The following SEC24C variants were observed in gnomAD, a reference collection of about 807,000 sequenced individuals.
The protein encoded by SEC24C is protein transport protein Sec24C.
SEC24C carries 22 observed loss-of-function variants against 117.0 expected under a neutral mutation model. That is an observed-to-expected ratio of 0.19 (90% confidence interval 0.13 to 0.27). SEC24C has a LOEUF of 0.27. Among genes scored for constraint, SEC24C ranks in the 10% least tolerant of loss-of-function variants. The probability of loss-of-function intolerance (pLI) is 1.00; values close to 1 mark genes in which losing one functional copy is unlikely to be tolerated. For synonymous variants in SEC24C, 506 were observed against 529.4 expected, an observed-to-expected ratio of 0.96 and a Z score of 0.61; for missense variants, 1,155 against 1,375.1, an observed-to-expected ratio of 0.84 and a Z score of 2.53.
At chr10:73,765,098 G>T (rs561200575) in intron 8 of SEC24C, among the ~76,000 whole-genome samples, 29 of 152,138 alleles carry the variant, frequency 1.9e-4, no homozygotes, top group Non-Finnish European at 3.8e-4. Context: ...CAAGAGTGAA[G>T]GGCATTAGAG....
At chr10:73,759,995 T>G in intron 4 of SEC24C, 23 bp from the exon 5 acceptor site, 1 of 1,540,944 alleles carries the variant, frequency 6.5e-7, no homozygotes, top group Non-Finnish European at 8.8e-7. Context: ...GGCTTTTGAC[T>G]CTACCTTTAT....
At chr10:73,746,165 A>AC (rs1175695175) in intron 1 of SEC24C, among the ~76,000 whole-genome samples, 19 of 151,274 alleles carry the variant, frequency 1.3e-4, no homozygotes, top group Non-Finnish European at 2.8e-4. Context: ...TCTCAAAAAA[A>AC]AAAAAAAAAA....
At chr10:73,757,754 T>TA (rs1278329933) in intron 3 of SEC24C, among the ~76,000 whole-genome samples, 1 of 147,830 alleles carries the variant, frequency 6.8e-6, no homozygotes, top group Non-Finnish European at 1.5e-5. Context: ...CTACAAAAAA[T>TA]AAAAAAAATT....
chr10:73,766,029 A>G lies in SEC24C; in HGVS notation c.1483-57A>G, dbSNP rs937648272. ...GTCCCTTTTTGATGCTGACTTCTCT[A>G]TAGTCAACTGGCCTGCTTACCATTC... On this transcript the variant is annotated intron_variant, in intron 10 of 22. Coordinates refer to ENST00000345254, the MANE Select transcript of SEC24C (RefSeq NM_198597.3). 1.9e-5 allele frequency: 31 copies of G among 1,602,742 alleles called. No homozygotes were observed. The African/African-American group carries it at 2.3e-4, about 12-fold the overall frequency.
intron 1 of SEC24C, among the ~76,000 whole-genome samples, chr10:73,746,331 T>G (rs1221933253): frequency 6.6e-6 from 1 of 152,210 alleles, no homozygotes; most frequent in East Asian, 1.9e-4. Flanking sequence ...CAGATCTGTT[T>G]TAGATTTTTA....
At position 73,769,240 on chromosome 10, in the gene SEC24C, AAG is replaced by A; in HGVS notation, c.2424+92_2424+93del. On this transcript the variant is annotated intron_variant, in intron 17 of 22. Coordinates refer to ENST00000345254, the MANE Select transcript of SEC24C (RefSeq NM_198597.3). This position sits in a 1 kb window ranked among gnomAD's most constrained non-coding sequence, Gnocchi z 4.5. The stretch of plus-strand genomic sequence containing the variant: ...AGGAATGGGTAGAGAGCACTAAAAG[AAG>A]AGACAGGGCACGGGAGTGGCTCATT... 6.3e-7 allele frequency: 1 copy of A among 1,589,536 alleles called. No homozygotes were observed. Among genetic ancestry groups the A allele is most frequent in the Non-Finnish European group, 8.6e-7 (1 of 1,166,446 alleles).
At position 73,760,381 on chromosome 10, in the gene SEC24C, A is replaced by G; in HGVS notation, c.845A>G (p.Gln282Arg). Residue 282 changes from glutamine to arginine, a missense_variant, in exon 5 of 23, where the codon CAA becomes CGA. By Grantham distance (43) the Gln-to-Arg change is conservative. Transcript: ENST00000345254. The part of the protein sequence containing the change: ...SPQQPGYQPQ[Q>R]NGSFGPARGP... ...CAGCAGCCAGGCTATCAGCCCCAAC[A>G]AAATGGTGAGTCTTTCCCAAGGTCT... 3.1e-6 allele frequency: 5 copies of G among 1,587,852 alleles called. No individual in the cohort carries two copies. Among genetic ancestry groups the G allele is most frequent in the Non-Finnish European group, 4.3e-6 (5 of 1,168,298 alleles).
At chr10:73,767,722 A>G in intron 14 of SEC24C, 115 bp from the exon 15 acceptor site, 2 of 766,872 alleles carry the variant, frequency 2.6e-6, no homozygotes, top group Non-Finnish European at 3.9e-6. Context: ...AATCCTTGGA[A>G]GTAGATCTGA....
chr10:73,748,738 A>AT (rs1045456814), intron 2 of SEC24C, among the ~76,000 whole-genome samples: 20 of 137,654 alleles, frequency 1.5e-4, no homozygotes, highest in African/African-American at 4.7e-4. Context: ...ACCTGGCCTT[A>AT]TTTTTTTTCT....
rs772026589 is a variant in SEC24C at position 73,769,117 on chromosome 10, G to A, written c.2389G>A (p.Asp797Asn). The change falls in exon 17 of 23, where the codon GAT becomes AAT. Residue 797 changes from aspartate (D) to asparagine (N), a missense_variant. Asp to Asn is a conservative substitution (Grantham distance 23). This residue lies in a region of SEC24C where 759 missense variants were observed against 992.3 expected (regional missense o/e 0.76). Transcript: ENST00000345254. The surrounding 1 kb of genome is among the most constrained non-coding windows in gnomAD (Gnocchi z 4.5). ...KTVTVEFKHD[D>N]RLNEESGALL... ...AGTGACTGTGGAGTTCAAGCATGAC[G>A]ATCGGCTCAATGAAGAGAGCGGAGC... 1.8e-5 allele frequency: 29 copies of A among 1,614,098 alleles called. No individual in the cohort carries two copies. The highest frequency in any genetic ancestry group is 2.5e-5 in the Non-Finnish European group (29 of 1,180,044).
In SEC24C at chr10:73,770,867, G is replaced by A. The variant is rs905673169; in HGVS notation, c.3144+69G>A. 3.7e-6 allele frequency: 6 copies of A among 1,612,396 alleles called. No individual in the cohort carries two copies. The Admixed American group carries it at 6.7e-5, about 18-fold the overall frequency. On this transcript the variant is annotated intron_variant, in intron 22 of 22. Transcript: ENST00000345254. ...TCACCTAGAAGTGGGGGTTGGGTGG[G>A]GAATGAGTAAGTGACTGCCTAATGA... is the stretch of plus-strand genomic sequence containing the variant.
In SEC24C at chr10:73,763,666, GC is replaced by G. The variant is rs1215759370; in HGVS notation, c.1099+66del. 527 of 212,774 alleles carry G rather than the reference GC, an allele frequency of 2.5e-3. 8 individuals carry two copies. Among genetic ancestry groups the G allele is most frequent in the Middle Eastern group, 6.5e-3 (5 of 768 alleles). 13.2% of individuals were successfully genotyped at this position (212,774 alleles called of 1,614,324 possible). On this transcript the variant is annotated intron_variant, in intron 7 of 22. Transcript: ENST00000345254. ...TCAAGATTATCAGCTTATGGTTGGG[GC>G]TTTTTTTTTTTTTTTTTTTTTTTTT...
Position 73,770,382 on chromosome 10 carries a change from C to G in SEC24C, c.2965C>G (p.Leu989Val). 1 of 1,614,006 alleles carries G rather than the reference C, an allele frequency of 6.2e-7. No homozygotes were observed. The highest frequency in any genetic ancestry group is 1.3e-5 in the African/African-American group (1 of 74,982). The change falls in exon 21 of 23, where the codon CTC (leucine) becomes GTC (valine). Residue 989 changes from leucine (L) to valine (V), a missense_variant. This residue lies in a region of SEC24C where 759 missense variants were observed against 992.3 expected (regional missense o/e 0.76). Coordinates refer to ENST00000345254, the MANE Select transcript of SEC24C (RefSeq NM_198597.3). ...ATATTTACTGGAGAATGGGCTCAAC[C>G]TCTTCCTCTGGGTGGGAGCAAGCGT... ...DIYLLENGLNLFLWVGASVQQ... is the reference protein window; with the variant it reads ...DIYLLENGLNVFLWVGASVQQ...
At chr10:73,770,641 G>C in intron 21 of SEC24C, 68 bp from the exon 22 acceptor site, 1 of 1,555,498 alleles carries the variant, frequency 6.4e-7, no homozygotes, top group Non-Finnish European at 8.9e-7. Context: ...ATGCATACAT[G>C]TATGCTGCCC....
At chr10:73,744,750 A>G (rs2132506876) in intron 1 of SEC24C, among the ~76,000 whole-genome samples, 1 of 151,928 alleles carries the variant, frequency 6.6e-6, no homozygotes, top group East Asian at 1.9e-4. Flanking sequence ...CTCGGTTTTG[A>G]TCCTCGGCTC....
Position 73,769,418 on chromosome 10 carries a change from C to T in SEC24C, c.2496C>T (p.Cys832=). 6.2e-7 allele frequency: 1 copy of T among 1,614,136 alleles called. No individual in the cohort carries two copies. The highest frequency in any genetic ancestry group is 1.1e-5 in the South Asian group (1 of 91,074). The change falls in exon 18 of 23, where the codon TGC becomes TGT. Residue 832 remains cysteine (C), a synonymous_variant. Transcript: ENST00000345254. This position sits in a 1 kb window ranked among gnomAD's most constrained non-coding sequence, Gnocchi z 4.5. The part of the protein sequence containing the change: ...LRIHNLALNC[C]TQLADLYRNC... ...TCCATAATCTGGCCCTGAACTGCTG[C>T]ACCCAGCTGGCTGATCTATATCGAA...
intron 6 of SEC24C, chr10:73,762,175 AG>A: frequency 7.8e-7 from 1 of 1,289,608 alleles, no homozygotes; most frequent in Non-Finnish European, 1.0e-6. Flanking sequence ...CAGTAAGTGC[AG>A]GGGGTGGGTG....
chr10:73,755,832 G>A (rs1442195174), intron 3 of SEC24C, among the ~76,000 whole-genome samples: 1 of 151,928 alleles, frequency 6.6e-6, no homozygotes, highest in Non-Finnish European at 1.5e-5. Context: ...TTAAGTTTTA[G>A]AGACCAAGTG....
In SEC24C at chr10:73,765,561, G is replaced by C; in HGVS notation, c.1338G>C (p.Gln446His). The change falls in exon 9 of 23, where the codon CAG becomes CAC. Residue 446 changes from glutamine to histidine, a missense_variant. By Grantham distance (24) the Gln-to-His change is conservative (BLOSUM62 0). This residue lies in a region of SEC24C where 759 missense variants were observed against 992.3 expected (regional missense o/e 0.76). Coordinates refer to ENST00000345254, the MANE Select transcript of SEC24C (RefSeq NM_198597.3). ...TCATTGAAGGAGGGAGGCGTTTCCAGTGCTGTTTTTGCAGCTGTATCAATG... is the reference window on the plus strand; with the variant it reads ...TCATTGAAGGAGGGAGGCGTTTCCACTGCTGTTTTTGCAGCTGTATCAATG... The part of the protein sequence containing the change: ...MQFIEGGRRF[Q>H]CCFCSCINDV... 6.2e-7 allele frequency: 1 copy of C among 1,613,986 alleles called. No homozygotes were observed. The highest frequency in any genetic ancestry group is 8.5e-7 in the Non-Finnish European group (1 of 1,179,826).
Sources: gnomAD v4.1 joint callset for allele counts (sites outside exome capture counted in the v4.1 genomes callset) on GRCh38, gnomAD v4.1.1 for gene constraint, gnomAD v4.1.1 regional missense constraint, Gnocchi (gnomAD v3.1) non-coding constraint, MANE v1.5 for transcripts, NCBI Gene and HGNC (gene_info 2026-07-23, HGNC 2026-07-21) for gene names.